MGLL: variants seen among roughly 807,000 people sequenced by gnomAD.
MGLL encodes lysophospholipase homolog.
Under a neutral mutation model 29.1 loss-of-function variants are expected in MGLL, and 7 were observed. That is an observed-to-expected ratio of 0.24 (90% CI 0.14 to 0.45). MGLL has a LOEUF of 0.45. Among genes scored for constraint, MGLL ranks in the 20% least tolerant of loss-of-function variants. The pLI, the probability that MGLL is intolerant of heterozygous loss-of-function variation, is 0.99. For synonymous variants in MGLL, 148 were observed against 168.3 expected (o/e 0.88, Z 0.93); for missense variants, 356 against 413.6 (o/e 0.86, Z 1.21).
intron 2 of MGLL, among the ~76,000 whole-genome samples, chr3:127,811,330 G>T: frequency 6.6e-6 from 1 of 152,198 alleles, no homozygotes; most frequent in East Asian, 1.9e-4. Context: ...TTCTGCCCTG[G>T]AGAAGCTCAT....
At chr3:127,693,636 CCT>C (rs1436533680) in intron 7 of MGLL, among the ~76,000 whole-genome samples, 1 of 152,160 alleles carries the variant, frequency 6.6e-6, no homozygotes, top group Non-Finnish European at 1.5e-5. Flanking sequence ...CTGCTTTCCC[CCT>C]GTCCCCCTCT....
At chr3:127,778,201 C>T (rs2107704525) in intron 3 of MGLL, among the ~76,000 whole-genome samples, 1 of 152,334 alleles carries the variant, frequency 6.6e-6, no homozygotes, top group African/African-American at 2.4e-5. Context: ...GTCATAGAAA[C>T]CGGGCAGTGA....
intron 3 of MGLL, among the ~76,000 whole-genome samples, chr3:127,771,403 C>T (rs1161234992): frequency 1.3e-5 from 2 of 152,164 alleles, no homozygotes; most frequent in Non-Finnish European, 2.9e-5. Context: ...GGTTGGAGTG[C>T]AGTGGTGAAA....
Position 127,718,707 on chromosome 3 carries a change from T to C in MGLL, c.510+2346A>G, listed in dbSNP as rs538731298. Reference sequence around the variant, plus strand: ...AAAGAAGAACAAATGGAGTGAGCGTTGACGGGAGTTGCAGAGACTCTCGCT... The same window carrying C: ...AAAGAAGAACAAATGGAGTGAGCGTCGACGGGAGTTGCAGAGACTCTCGCT... On this transcript the variant is annotated intron_variant, in intron 5 of 7. Transcript: ENST00000265052. Among the ~76,000 whole-genome samples the C allele has an allele frequency of 2.6e-5, 4 of 152,332 alleles. No individual in the cohort carries two copies. In the East Asian group the frequency reaches 7.7e-4, roughly 29 times the overall value.
Position 127,722,578 on chromosome 3 carries a change from C to A in MGLL, c.263-12G>T, listed in dbSNP as rs370478552. ...CTGTCCGTGGCCAACTGGAAAGGAA[C>A]GGGAGATGAGAGAGAGCTGCAGTTA... On this transcript the variant is annotated splice_polypyrimidine_tract_variant and intron_variant, in intron 3 of 7. Transcript: ENST00000265052. 6.2e-7 allele frequency: 1 copy of A among 1,614,232 alleles called. No homozygotes were observed. The highest frequency in any genetic ancestry group is 1.1e-5 in the South Asian group (1 of 91,086).
intron 3 of MGLL, among the ~76,000 whole-genome samples, chr3:127,733,303 G>C (rs1227165333): frequency 6.6e-6 from 1 of 152,186 alleles, no homozygotes; most frequent in African/African-American, 2.4e-5. Context: ...TCCACCCCTT[G>C]TTTAGCATAT....
intron 3 of MGLL, among the ~76,000 whole-genome samples, chr3:127,766,883 C>T (rs2076866876): frequency 2.0e-5 from 3 of 152,084 alleles, no homozygotes; most frequent in African/African-American, 7.3e-5. Flanking sequence ...CCAGCCTGGC[C>T]AACATGGCGA....
At chr3:127,722,914 G>A (rs1200611222) in intron 3 of MGLL, among the ~76,000 whole-genome samples, 4 of 152,180 alleles carry the variant, frequency 2.6e-5, no homozygotes, top group Non-Finnish European at 4.4e-5. Context: ...CAAAGCAGCC[G>A]GGAGTAAGAC....
intron 3 of MGLL, among the ~76,000 whole-genome samples, chr3:127,780,306 G>A (rs770507971): frequency 7.9e-5 from 12 of 152,226 alleles, no homozygotes; most frequent in Non-Finnish European, 1.5e-4. Context: ...TAGCTGCATA[G>A]TACAAATATC....
intron 3 of MGLL, among the ~76,000 whole-genome samples, chr3:127,776,475 C>T (rs2077038775): frequency 6.6e-6 from 1 of 152,220 alleles, no homozygotes; most frequent in Admixed American, 6.5e-5. Flanking sequence ...AGCCCTTCCT[C>T]CTGCTGACAA....
chr3:127,701,806 C>A (rs552764197), intron 6 of MGLL, among the ~76,000 whole-genome samples: 1 of 152,212 alleles, frequency 6.6e-6, no homozygotes, highest in African/African-American at 2.4e-5. Context: ...CCGATATCTC[C>A]GTTTCCACCA....
At chr3:127,780,597 C>T (rs933722752) in intron 3 of MGLL, among the ~76,000 whole-genome samples, 1 of 152,194 alleles carries the variant, frequency 6.6e-6, no homozygotes, top group African/African-American at 2.4e-5. Context: ...GTTATGAGGA[C>T]GCTTGTGTAT....
intron 2 of MGLL, among the ~76,000 whole-genome samples, chr3:127,790,783 GC>G: frequency 6.6e-6 from 1 of 152,212 alleles, no homozygotes; most frequent in East Asian, 1.9e-4. Context: ...ACACCAGAAT[GC>G]CTGGATTTCT....
At chr3:127,787,935 C>G (rs1220557873) in intron 2 of MGLL, among the ~76,000 whole-genome samples, 2 of 152,204 alleles carry the variant, frequency 1.3e-5, no homozygotes, top group Admixed American at 1.3e-4. Context: ...TCTGTGGAAG[C>G]CCAGATCTAA....
At chr3:127,703,072 G>A (rs1053758983) in intron 6 of MGLL, among the ~76,000 whole-genome samples, 9 of 152,190 alleles carry the variant, frequency 5.9e-5, no homozygotes, top group Non-Finnish European at 4.4e-5. Context: ...GGGGAGAGCT[G>A]TTTGCATAGC....
intron 6 of MGLL, 101 bp downstream of exon 6, chr3:127,710,475 G>A (rs1217660080): frequency 3.4e-5 from 37 of 1,086,982 alleles, no homozygotes; most frequent in Middle Eastern, 2.5e-4. Context: ...ACAGGGCCTC[G>A]GTGAAAGGGC....
chr3:127,759,245 C>G (rs1044946779), intron 3 of MGLL, among the ~76,000 whole-genome samples: 12 of 152,112 alleles, frequency 7.9e-5, no homozygotes, highest in African/African-American at 2.9e-4. Flanking sequence ...TTTCTCACAG[C>G]GTCCATTATT....
chr3:127,715,135 C>T (rs1184689571), intron 5 of MGLL, among the ~76,000 whole-genome samples: 6 of 152,130 alleles, frequency 3.9e-5, no homozygotes, highest in Non-Finnish European at 8.8e-5. Context: ...CCAGTGCTGC[C>T]CTGAGAGATT....
intron 6 of MGLL, among the ~76,000 whole-genome samples, chr3:127,700,983 G>C (rs1326127150): frequency 6.6e-6 from 1 of 152,058 alleles, no homozygotes; most frequent in Non-Finnish European, 1.5e-5. Flanking sequence ...GGGAGGACAA[G>C]GTGGGCAGAT....
Sources: gnomAD v4.1 joint callset for allele counts (sites outside exome capture counted in the v4.1 genomes callset) on GRCh38, gnomAD v4.1.1 for gene constraint, MANE v1.5 for transcripts, NCBI Gene and HGNC (gene_info 2026-07-23, HGNC 2026-07-21) for gene names.